DPP6: variants seen among roughly 807,000 people sequenced by gnomAD.
DPP6 encodes dipeptidyl peptidase like 6.
Under a neutral mutation model 122.6 loss-of-function variants are expected in DPP6, and 69 were observed. The observed-to-expected ratio is 0.56, with a 90% CI of 0.46 to 0.69. The LOEUF (loss-of-function observed/expected upper bound fraction) is 0.69, where lower values mean the gene tolerates loss of function less well. Among genes scored for constraint, DPP6 ranks in the 30% least tolerant of loss-of-function variants. The pLI, the probability that DPP6 is intolerant of heterozygous loss-of-function variation, is 0.00. For synonymous variants in DPP6, 418 were observed against 433.1 expected (o/e 0.97, Z 0.43); for missense variants, 928 against 1,116.9 (o/e 0.83, Z 2.41).
chr7:154,031,694 C>T (rs1799235082), intron 1 of DPP6, among the ~76,000 whole-genome samples: 1 of 151,894 alleles, frequency 6.6e-6, no homozygotes, highest in Non-Finnish European at 1.5e-5. Flanking sequence ...GGGGCACGAC[C>T]TAAAGGAACG....
At chr7:153,799,532 C>T in the DPP6 span, among the ~76,000 whole-genome samples, 6 of 152,098 alleles carry the variant, frequency 3.9e-5, 1 homozygote, top group East Asian at 7.7e-4. Context: ...CACACCATCC[C>T]GCTCTACTGC....
intron 5 of DPP6, among the ~76,000 whole-genome samples, chr7:154,577,951 A>G (rs1831791559): frequency 1.3e-5 from 2 of 152,198 alleles, no homozygotes; most frequent in African/African-American, 4.8e-5. Flanking sequence ...TTAAACTACG[A>G]CAAACTGTAC....
intron 4 of DPP6, among the ~76,000 whole-genome samples, chr7:154,542,712 A>T (rs1828830216): frequency 6.6e-6 from 1 of 152,216 alleles, no homozygotes. Flanking sequence ...ATTAAGCACC[A>T]AATATGTACA....
chr7:154,256,140 A>G (rs1802646370), intron 1 of DPP6, among the ~76,000 whole-genome samples: 1 of 152,246 alleles, frequency 6.6e-6, no homozygotes, highest in African/African-American at 2.4e-5. Context: ...TGATTTGATT[A>G]AAGTCTGACT....
chr7:154,063,200 T>G lies in DPP6; in HGVS notation c.243+10137T>G, dbSNP rs77253181. Among the ~76,000 whole-genome samples, 115 of 66,174 alleles carry G rather than the reference T, an allele frequency of 1.7e-3. 15 individuals carry two copies. The highest frequency in any genetic ancestry group is 3.6e-3 in the South Asian group (6 of 1,658). 43.4% of individuals were successfully genotyped at this position (66,174 alleles called of 152,430 possible). ...GCTGTTAGTACCCCCATCGCAGGGT[T>G]GGGGAGGCACCCCCCCGCGAGGCAG... On this transcript the variant is annotated intron_variant, in intron 1 of 25. Transcript: ENST00000377770.
intron 1 of DPP6, among the ~76,000 whole-genome samples, chr7:153,956,972 A>T (rs999570650): frequency 1.3e-5 from 2 of 152,180 alleles, no homozygotes; most frequent in East Asian, 1.9e-4. Context: ...CGAAACCCAG[A>T]TATGTTCTTA....
intron 1 of DPP6, among the ~76,000 whole-genome samples, chr7:153,988,897 A>G (rs1796985992): frequency 6.7e-6 from 1 of 149,388 alleles, no homozygotes; most frequent in South Asian, 2.1e-4. Flanking sequence ...GCGGTGATGT[A>G]TGGAAGTCAG....
intron 1 of DPP6, among the ~76,000 whole-genome samples, chr7:154,219,381 C>G (rs1276851105): frequency 6.6e-6 from 1 of 152,174 alleles, no homozygotes; most frequent in Non-Finnish European, 1.5e-5. Flanking sequence ...CAATACACAT[C>G]ATCATGGTTC....
chr7:153,783,107 C>T, the DPP6 span, among the ~76,000 whole-genome samples: 2 of 152,112 alleles, frequency 1.3e-5, no homozygotes, highest in Non-Finnish European at 2.9e-5. Flanking sequence ...TTTACAAAGC[C>T]AGTGTAAAGT....
intron 1 of DPP6, among the ~76,000 whole-genome samples, chr7:153,907,019 A>G (rs1203817299): frequency 1.3e-5 from 2 of 152,190 alleles, no homozygotes; most frequent in Non-Finnish European, 2.9e-5. Context: ...ATAGATACCC[A>G]GTAGTGTTAT....
chr7:154,281,358 TG>T (rs112929088), intron 1 of DPP6, among the ~76,000 whole-genome samples: 38,838 of 151,890 alleles, frequency 0.26, 5,369 homozygotes, highest in Non-Finnish European at 0.31. Context: ...CTAAATAAAA[TG>T]GGTGCATCCT....
intron 1 of DPP6, among the ~76,000 whole-genome samples, chr7:153,944,125 C>T (rs377099048): frequency 6.6e-6 from 1 of 152,280 alleles, no homozygotes; most frequent in African/African-American, 2.4e-5. Flanking sequence ...AAGATTGCAT[C>T]GTAAAGCCCT....
chr7:154,252,903 G>T (rs1053391922), intron 1 of DPP6, among the ~76,000 whole-genome samples: 1 of 152,198 alleles, frequency 6.6e-6, no homozygotes. Context: ...TCCTTTGAAA[G>T]CTTTCCTTGC....
intron 5 of DPP6, among the ~76,000 whole-genome samples, chr7:154,569,703 A>G (rs1214966913): frequency 6.6e-6 from 1 of 151,514 alleles, no homozygotes; most frequent in Non-Finnish European, 1.5e-5. Context: ...TTGCAATAAA[A>G]TTTTGGTATA....
At chr7:153,788,420 A>T in the DPP6 span, among the ~76,000 whole-genome samples, 1 of 152,210 alleles carries the variant, frequency 6.6e-6, no homozygotes, top group Non-Finnish European at 1.5e-5. Context: ...GATAAAAAGA[A>T]TTCGATTAGC....
At chr7:154,785,195 T>A (rs1797267479) in intron 10 of DPP6, among the ~76,000 whole-genome samples, 1 of 152,226 alleles carries the variant, frequency 6.6e-6, no homozygotes, top group Non-Finnish European at 1.5e-5. Context: ...TGCATATTAG[T>A]GCTTAAAAAT....
At chr7:154,827,725 CGGG>C (rs5888599) in intron 16 of DPP6, among the ~76,000 whole-genome samples, 17 of 41,760 alleles carry the variant, frequency 4.1e-4, no homozygotes, top group South Asian at 2.7e-3. Flanking sequence ...GGACGGCTGG[CGGG>C]GGGGGGGTGG....
At chr7:153,843,061 C>T in the DPP6 span, among the ~76,000 whole-genome samples, 3 of 149,234 alleles carry the variant, frequency 2.0e-5, no homozygotes, top group Non-Finnish European at 1.5e-5. Flanking sequence ...AGTGCATACA[C>T]GAGTGCATAC....
intron 17 of DPP6, among the ~76,000 whole-genome samples, chr7:154,857,563 C>T (rs1802946578): frequency 6.6e-6 from 1 of 152,230 alleles, no homozygotes; most frequent in South Asian, 2.1e-4. Flanking sequence ...CAGCACTTCA[C>T]AGCCCATCTC....
Sources: gnomAD v4.1 joint callset for allele counts (sites outside exome capture counted in the v4.1 genomes callset) on GRCh38, gnomAD v4.1.1 for gene constraint, MANE v1.5 for transcripts, NCBI Gene and HGNC (gene_info 2026-07-23, HGNC 2026-07-21) for gene names.